SH3PXD2A: variants seen among roughly 807,000 people sequenced by gnomAD.
The protein encoded by SH3PXD2A is SH3 and PX domain-containing protein 2A.
SH3PXD2A carries 32 observed loss-of-function variants against 115.2 expected under a neutral mutation model. The ratio of observed to expected loss-of-function variants is 0.28; its 90% CI spans 0.21 to 0.37. The LOEUF is 0.37. SH3PXD2A is among the 10% of genes least tolerant of loss of function. The pLI is 1.00. For missense variants in SH3PXD2A, 1,328 were observed against 1,498.7 expected, an observed-to-expected ratio of 0.89 and a Z score of 1.88; for synonymous variants, 610 against 629.1, an observed-to-expected ratio of 0.97 and a Z score of 0.45.
chr10:103,804,382 C>T (rs1343156080), intron 1 of SH3PXD2A, among the ~76,000 whole-genome samples: 4 of 129,016 alleles, frequency 3.1e-5, no homozygotes, highest in Non-Finnish European at 6.2e-5. Flanking sequence ...AGTGCAGTGG[C>T]GTGATCTCGG....
chr10:103,772,535 A>C (rs565153235), intron 2 of SH3PXD2A, among the ~76,000 whole-genome samples: 39 of 152,346 alleles, frequency 2.6e-4, no homozygotes, highest in African/African-American at 9.1e-4. Flanking sequence ...GCATTTGGCT[A>C]ATGGAGCCCC....
chr10:103,715,125 C>T (rs2038090734), intron 5 of SH3PXD2A, among the ~76,000 whole-genome samples: 1 of 152,214 alleles, frequency 6.6e-6, no homozygotes, highest in Non-Finnish European at 1.5e-5. Context: ...TGTACCCAGG[C>T]CTGGGCTAAT....
At chr10:103,826,977 G>A (rs898469601) in intron 1 of SH3PXD2A, among the ~76,000 whole-genome samples, 23 of 152,208 alleles carry the variant, frequency 1.5e-4, no homozygotes, top group African/African-American at 5.3e-4. Flanking sequence ...TGAGCAAGAG[G>A]TAGGGAGAGA....
intron 5 of SH3PXD2A, among the ~76,000 whole-genome samples, chr10:103,703,857 G>A (rs1287695347): frequency 6.6e-6 from 1 of 152,224 alleles, no homozygotes; most frequent in Non-Finnish European, 1.5e-5. Context: ...CATGGTGCGT[G>A]TGTGCATGTG....
chr10:103,662,845 C>G (rs776420414), intron 7 of SH3PXD2A, among the ~76,000 whole-genome samples: 232 of 152,286 alleles, frequency 1.5e-3, no homozygotes, highest in Admixed American at 2.4e-3. Context: ...GTCTTTGTTG[C>G]CCAGGCTGGA....
intron 1 of SH3PXD2A, among the ~76,000 whole-genome samples, chr10:103,822,143 G>A (rs1156247135): frequency 2.0e-5 from 3 of 152,080 alleles, no homozygotes; most frequent in Admixed American, 2.0e-4. Flanking sequence ...TGCCTGCCTC[G>A]GCCTCCCGAA....
intron 8 of SH3PXD2A, among the ~76,000 whole-genome samples, chr10:103,638,414 G>A (rs894241355): frequency 6.6e-6 from 1 of 152,276 alleles, no homozygotes; most frequent in African/African-American, 2.4e-5. Context: ...TCCCCGCCAA[G>A]CCCACAGGGC....
intron 3 of SH3PXD2A, 41 bp downstream of exon 3, chr10:103,767,053 C>T (rs779778655): frequency 1.4e-5 from 21 of 1,500,158 alleles, no homozygotes; most frequent in African/African-American, 9.6e-5. Flanking sequence ...TGGTCCTTCC[C>T]GGGTATCCCC....
chr10:103,671,796 G>C (rs778652496), intron 6 of SH3PXD2A, among the ~76,000 whole-genome samples: 1 of 152,206 alleles, frequency 6.6e-6, no homozygotes, highest in Non-Finnish European at 1.5e-5. Flanking sequence ...GCAGCCAAGT[G>C]AGCAGCTGTG....
chr10:103,814,604 T>G (rs1349983017), intron 1 of SH3PXD2A, among the ~76,000 whole-genome samples: 1 of 152,168 alleles, frequency 6.6e-6, no homozygotes, highest in East Asian at 1.9e-4. Flanking sequence ...CCTGTGACTG[T>G]GATGCTGGTA....
At chr10:103,775,807 A>G (rs2038871782) in intron 2 of SH3PXD2A, among the ~76,000 whole-genome samples, 1 of 152,188 alleles carries the variant, frequency 6.6e-6, no homozygotes, top group African/African-American at 2.4e-5. Flanking sequence ...GCCCTAAAGC[A>G]TCACCAGCAG....
At chr10:103,697,740 T>C (rs994583442) in intron 5 of SH3PXD2A, among the ~76,000 whole-genome samples, 2 of 152,226 alleles carry the variant, frequency 1.3e-5, no homozygotes, top group Non-Finnish European at 2.9e-5. Flanking sequence ...CATTTTATCT[T>C]GGCCAGACAC....
chr10:103,834,578 T>C (rs367736201), intron 1 of SH3PXD2A, among the ~76,000 whole-genome samples: 2 of 152,272 alleles, frequency 1.3e-5, no homozygotes, highest in African/African-American at 2.4e-5. Context: ...ATGGGAATTA[T>C]ATCTCAATAA....
chr10:103,719,209 G>A (rs1324215240), intron 5 of SH3PXD2A, among the ~76,000 whole-genome samples: 1 of 152,252 alleles, frequency 6.6e-6, no homozygotes, highest in East Asian at 1.9e-4. Context: ...CAAAGGGGCT[G>A]AGGCCGGTAC....
intron 13 of SH3PXD2A, among the ~76,000 whole-genome samples, chr10:103,610,414 G>A (rs955877409): frequency 6.6e-6 from 1 of 152,274 alleles, no homozygotes; most frequent in Non-Finnish European, 1.5e-5. Flanking sequence ...GCCGTGGCTA[G>A]GAGAGATGGT....
At chr10:103,718,760 G>GACAC (rs55844048) in intron 5 of SH3PXD2A, among the ~76,000 whole-genome samples, 18,254 of 128,220 alleles carry the variant, frequency 0.14, 1,640 homozygotes, top group African/African-American at 0.22. Context: ...CCCCAATCAG[G>GACAC]ACACACACAC....
intron 5 of SH3PXD2A, among the ~76,000 whole-genome samples, chr10:103,717,923 A>G (rs2038126176): frequency 6.6e-6 from 1 of 151,298 alleles, no homozygotes; most frequent in Non-Finnish European, 1.5e-5. Flanking sequence ...TGGCCTCAGG[A>G]CACTGTGCCA....
chr10:103,830,424 A>C (rs1007975130), intron 1 of SH3PXD2A, among the ~76,000 whole-genome samples: 3 of 152,142 alleles, frequency 2.0e-5, no homozygotes, highest in Non-Finnish European at 4.4e-5. Flanking sequence ...AGAGCTGGGA[A>C]CCCTCATGCA....
Position 103,629,299 on chromosome 10 carries a change from T to C in SH3PXD2A, c.605-2097A>G, listed in dbSNP as rs573497304. 1.6e-3 allele frequency among the ~76,000 whole-genome samples: 239 copies of C among 152,346 alleles called. 1 individual carries two copies. The highest frequency in any genetic ancestry group is 5.3e-3 in the African/African-American group (219 of 41,584). On this transcript the variant is annotated intron_variant, in intron 8 of 14. Coordinates refer to ENST00000369774, the MANE Select transcript of SH3PXD2A (RefSeq NM_001394015.1). Reference sequence around the variant, plus strand: ...GTGCTGGAACCCACTAGTTGGGGACTGGGCAGCAGCCGCTGGCAGGTCAGA... The same window carrying C: ...GTGCTGGAACCCACTAGTTGGGGACCGGGCAGCAGCCGCTGGCAGGTCAGA...
Sources: gnomAD v4.1 joint callset for allele counts (sites outside exome capture counted in the v4.1 genomes callset) on GRCh38, gnomAD v4.1.1 for gene constraint, MANE v1.5 for transcripts, NCBI Gene and HGNC (gene_info 2026-07-23, HGNC 2026-07-21) for gene names.